The following TSG101 variants were observed in gnomAD, a reference collection of about 807,000 sequenced individuals.
TSG101 encodes the protein tumor susceptibility 101.
Under a neutral mutation model 48.5 loss-of-function variants are expected in TSG101, and 19 were observed. That is an observed-to-expected ratio of 0.39 (90% CI 0.27 to 0.58). The LOEUF is 0.58. TSG101 is among the 20% of genes least tolerant of loss of function. The probability of loss-of-function intolerance (pLI) is 0.55; values close to 1 mark genes in which losing one functional copy is unlikely to be tolerated. For synonymous variants in TSG101, 174 were observed against 169.4 expected, an observed-to-expected ratio of 1.03 and a Z score of -0.21; for missense variants, 365 against 484.4, an observed-to-expected ratio of 0.75 and a Z score of 2.31.
Position 18,519,509 on chromosome 11 carries a change from A to AT in TSG101, c.127+9dup. 6.3e-7 allele frequency: 1 copy of AT among 1,591,926 alleles called. No homozygotes were observed. The highest frequency in any genetic ancestry group is 8.6e-7 in the Non-Finnish European group (1 of 1,163,152). On this transcript the variant is annotated intron_variant, in intron 2 of 9. Transcript: ENST00000251968. ...GTATAGAAATTGCTATTTTTACTGC[A>AT]TAAACTCACCATATGAATCCAAAAC...
At chr11:18,520,299 C>T (rs182096698) in intron 1 of TSG101, among the ~76,000 whole-genome samples, 65 of 152,314 alleles carry the variant, frequency 4.3e-4, no homozygotes, top group Non-Finnish European at 6.0e-4. Context: ...TCACAGCTCA[C>T]TGTAACCTCG....
At chr11:18,486,667 G>A (rs1335792908) in intron 7 of TSG101, among the ~76,000 whole-genome samples, 2 of 151,582 alleles carry the variant, frequency 1.3e-5, no homozygotes, top group Non-Finnish European at 2.9e-5. Flanking sequence ...TACACTGTTG[G>A]TGGGACTGTA....
At chr11:18,515,074 A>G (rs1164728822) in intron 3 of TSG101, among the ~76,000 whole-genome samples, 2 of 152,124 alleles carry the variant, frequency 1.3e-5, no homozygotes, top group Non-Finnish European at 2.9e-5. Context: ...CTGATACTCA[A>G]TTAACTGTTT....
At chr11:18,496,230 G>A (rs1849774326) in intron 7 of TSG101, among the ~76,000 whole-genome samples, 1 of 151,968 alleles carries the variant, frequency 6.6e-6, no homozygotes, top group African/African-American at 2.4e-5. Flanking sequence ...TTGGGAGGCC[G>A]AGGCAGGTGG....
chr11:18,514,927 A>T, intron 3 of TSG101, 86 bp from the exon 4 acceptor site: 12 of 1,200,068 alleles, frequency 1.0e-5, no homozygotes, highest in Non-Finnish European at 1.2e-5. Context: ...TTTAGTCTAG[A>T]TACAATTTAT....
intron 4 of TSG101, chr11:18,510,973 TACCA>T (rs1850071507): frequency 6.6e-6 from 1 of 152,144 alleles, no homozygotes; most frequent in Non-Finnish European, 1.5e-5. Flanking sequence ...AAGAAATATC[TACCA>T]ACCACTAATT....
chr11:18,507,224 GA>G (rs1463040642), intron 5 of TSG101, among the ~76,000 whole-genome samples: 1 of 152,166 alleles, frequency 6.6e-6, no homozygotes, highest in Non-Finnish European at 1.5e-5. Flanking sequence ...AAATTTAGAG[GA>G]AGGTAATTCT....
At chr11:18,523,508 T>G (rs568955480) in intron 1 of TSG101, among the ~76,000 whole-genome samples, 1 of 152,230 alleles carries the variant, frequency 6.6e-6, no homozygotes, top group East Asian at 1.9e-4. Flanking sequence ...TTTTTATTTA[T>G]TTATTTGTTT....
intron 1 of TSG101, among the ~76,000 whole-genome samples, chr11:18,523,456 G>A (rs1487994316): frequency 1.3e-5 from 2 of 151,980 alleles, no homozygotes; most frequent in African/African-American, 4.8e-5. Flanking sequence ...TGCATCCCTA[G>A]AACCTAAAAC....
At chr11:18,504,388 G>A (rs1849936079) in intron 6 of TSG101, among the ~76,000 whole-genome samples, 1 of 151,792 alleles carries the variant, frequency 6.6e-6, no homozygotes, top group Non-Finnish European at 1.5e-5. Context: ...ATGTAATCAT[G>A]GTACTTCTCT....
At chr11:18,519,662 G>T in intron 1 of TSG101, 59 bp from the exon 2 acceptor site, 1 of 1,157,974 alleles carries the variant, frequency 8.6e-7, no homozygotes, top group Non-Finnish European at 1.2e-6. Flanking sequence ...TTTTACAGCT[G>T]GATGAATTTT....
At chr11:18,523,449 A>ATAGGT (rs1389849679) in intron 1 of TSG101, among the ~76,000 whole-genome samples, 7 of 152,164 alleles carry the variant, frequency 4.6e-5, no homozygotes, top group Non-Finnish European at 1.0e-4. Flanking sequence ...TCACTGTTGC[A>ATAGGT]TCCCTAGAAC....
At chr11:18,499,300 TTATATA>T (rs200289940) in intron 7 of TSG101, among the ~76,000 whole-genome samples, 19,803 of 126,054 alleles carry the variant, frequency 0.16, 2,138 homozygotes, top group East Asian at 0.4. Flanking sequence ...ATATTTATAT[TTATATA>T]TTTATTTATA....
chr11:18,481,088 T>G (rs1366180287), intron 9 of TSG101, among the ~76,000 whole-genome samples: 1 of 152,106 alleles, frequency 6.6e-6, no homozygotes, highest in Non-Finnish European at 1.5e-5. Flanking sequence ...CTATTATCCC[T>G]AAAACCATGT....
intron 5 of TSG101, among the ~76,000 whole-genome samples, chr11:18,507,386 A>G (rs932486981): frequency 1.3e-5 from 2 of 152,242 alleles, no homozygotes; most frequent in African/African-American, 4.8e-5. Flanking sequence ...AACTACTATG[A>G]GAAGTCCTAT....
At chr11:18,504,344 A>T (rs762363527) in intron 6 of TSG101, among the ~76,000 whole-genome samples, 10 of 152,154 alleles carry the variant, frequency 6.6e-5, no homozygotes, top group Non-Finnish European at 8.8e-5. Context: ...ACTTGTCCTC[A>T]ACTAAGTTTT....
intron 1 of TSG101, among the ~76,000 whole-genome samples, chr11:18,526,321 A>C (rs1850372184): frequency 1.3e-5 from 2 of 152,366 alleles, no homozygotes; most frequent in South Asian, 4.1e-4. Flanking sequence ...TGGAGAATAC[A>C]AAACTGAAAA....
intron 1 of TSG101, among the ~76,000 whole-genome samples, 199 bp downstream of exon 1, chr11:18,526,576 C>T (rs889294338): frequency 6.6e-6 from 1 of 152,268 alleles, no homozygotes; most frequent in African/African-American, 2.4e-5. Flanking sequence ...CGCCGTCCCC[C>T]ACCCTCCCAG....
intron 7 of TSG101, among the ~76,000 whole-genome samples, chr11:18,499,402 A>ATTTTTTTTTTTTTT (rs1160424288): frequency 3.7e-4 from 2 of 5,454 alleles, no homozygotes; most frequent in African/African-American, 5.0e-4. Context: ...ATATATATAT[A>ATTTTTTTTTTTTTT]TTTTTTTTTT....
Sources: allele counts gnomAD v4.1 joint callset (sites outside exome capture counted in the v4.1 genomes callset), GRCh38; gene constraint gnomAD v4.1.1; transcripts MANE v1.5; gene names NCBI Gene and HGNC (gene_info 2026-07-23, HGNC 2026-07-21).